Variants in SNTB1 observed in about 807,000 individuals in gnomAD.
SNTB1 encodes the protein beta-1-syntrophin.
A neutral mutation model predicts 48.9 loss-of-function variants in SNTB1; 36 were observed. The observed-to-expected ratio is 0.74, with a 90% confidence interval of 0.56 to 0.97. The LOEUF (loss-of-function observed/expected upper bound fraction) is 0.97, where lower values mean the gene tolerates loss of function less well. SNTB1 is among the 50% of genes least tolerant of loss of function. The pLI, the probability that SNTB1 is intolerant of heterozygous loss-of-function variation, is 0.00. For missense variants in SNTB1, 786 were observed against 703.4 expected (o/e 1.12, Z -1.33); for synonymous variants, 299 against 294.6 (o/e 1.01, Z -0.15).
At chr8:120,762,120 G>C (rs549559587) in intron 1 of SNTB1, among the ~76,000 whole-genome samples, 1 of 152,294 alleles carries the variant, frequency 6.6e-6, no homozygotes, top group Admixed American at 6.5e-5. Flanking sequence ...CCAGAGGACT[G>C]AATTTGATTA....
intron 1 of SNTB1, among the ~76,000 whole-genome samples, chr8:120,702,919 C>T (rs1818329424): frequency 6.6e-6 from 1 of 152,112 alleles, no homozygotes; most frequent in Non-Finnish European, 1.5e-5. Flanking sequence ...ATTCTTACCT[C>T]AGAGAATTGT....
chr8:120,584,273 C>G (rs541939160), intron 3 of SNTB1, among the ~76,000 whole-genome samples: 55 of 152,046 alleles, frequency 3.6e-4, no homozygotes, highest in Admixed American at 1.8e-3. Context: ...GAAACCCTGT[C>G]TCTACTAAAA....
chr8:120,811,708 G>A lies in SNTB1; in HGVS notation c.136C>T (p.Leu46=). The change falls in exon 1 of 7, where the codon CTG becomes TTG. Residue 46 remains leucine (L), a synonymous_variant. Transcript: ENST00000517992. ...GCGCCCTCCTCGCTGCTCAGAACCA[G>A]GGCGTCCTCGCTCAAGTTCACCAGA... ...KVLVNLSEDA[L]VLSSEEGAAA... The A allele has an allele frequency of 6.3e-7, 1 of 1,579,000 alleles. No individual in the cohort carries two copies. The highest frequency in any genetic ancestry group is 8.6e-7 in the Non-Finnish European group (1 of 1,167,364).
chr8:120,607,485 C>A (rs1816544062), intron 3 of SNTB1, among the ~76,000 whole-genome samples: 1 of 151,954 alleles, frequency 6.6e-6, no homozygotes, highest in South Asian at 2.1e-4. Flanking sequence ...ATACATGTGC[C>A]ATGTTGGTGT....
At chr8:120,568,411 A>G (rs1042212434) in intron 4 of SNTB1, among the ~76,000 whole-genome samples, 8 of 152,188 alleles carry the variant, frequency 5.3e-5, no homozygotes, top group African/African-American at 1.7e-4. Context: ...AGGTACATCC[A>G]CAGGGTCTTG....
intron 1 of SNTB1, among the ~76,000 whole-genome samples, chr8:120,733,847 T>C: frequency 6.6e-6 from 1 of 152,194 alleles, no homozygotes; most frequent in Admixed American, 6.6e-5. Flanking sequence ...GCTGCTATAA[T>C]TATTGTATTA....
chr8:120,552,079 A>G (rs543934206), intron 4 of SNTB1, among the ~76,000 whole-genome samples: 4 of 152,324 alleles, frequency 2.6e-5, no homozygotes, highest in African/African-American at 9.6e-5. Flanking sequence ...GTAGAGGCAG[A>G]AGCAAAGTGA....
At chr8:120,626,205 T>C (rs1454929164) in intron 3 of SNTB1, among the ~76,000 whole-genome samples, 1 of 152,206 alleles carries the variant, frequency 6.6e-6, no homozygotes, top group South Asian at 2.1e-4. Flanking sequence ...ATATAGACTA[T>C]AGTATGTATA....
At chr8:120,804,616 C>T (rs1820295363) in intron 1 of SNTB1, among the ~76,000 whole-genome samples, 1 of 152,166 alleles carries the variant, frequency 6.6e-6, no homozygotes, top group South Asian at 2.1e-4. Flanking sequence ...GCCTTACCAA[C>T]CTCATGTTAC....
rs909481508 is a variant in SNTB1 at position 120,538,581 on chromosome 8, C to A, written c.*296G>T. 1.4e-5 allele frequency: 7 copies of A among 485,526 alleles called. No individual in the cohort carries two copies. Among genetic ancestry groups the A allele is most frequent in the African/African-American group, 1.4e-4 (7 of 51,362 alleles). 30.1% of individuals were successfully genotyped at this position (485,526 alleles called of 1,614,324 possible). A position where few individuals can be genotyped will look rare whatever the true frequency, so the allele number is the denominator to read the frequency against. On this transcript the variant is annotated 3_prime_UTR_variant, in exon 7 of 7. Transcript: ENST00000517992. ...GCACATGCTGTTCTAATGGTCATGT[C>A]CTTGGTTGTCATTATTTCAAAGCTA...
chr8:120,607,114 C>T lies in SNTB1; in HGVS notation c.996+25330G>A, dbSNP rs181187570. Among the ~76,000 whole-genome samples the T allele has an allele frequency of 2.8e-3, 421 of 152,120 alleles. 2 individuals carry two copies. Among genetic ancestry groups the T allele is most frequent in the African/African-American group, 9.5e-3 (393 of 41,512 alleles). On this transcript the variant is annotated intron_variant, in intron 3 of 6. Coordinates refer to ENST00000517992, the MANE Select transcript of SNTB1 (RefSeq NM_021021.4). ...TAGTATACAGAAATTATAGCCTTTA[C>T]ATAAACAAAAAACATTTAGTAGAAG...
intron 3 of SNTB1, among the ~76,000 whole-genome samples, chr8:120,625,803 G>C (rs1157599150): frequency 2.0e-5 from 3 of 152,194 alleles, no homozygotes; most frequent in African/African-American, 7.2e-5. Context: ...ATTTAGGGAT[G>C]ATGCAAGCCA....
chr8:120,778,699 A>T (rs1478910276), intron 1 of SNTB1, among the ~76,000 whole-genome samples: 1 of 152,218 alleles, frequency 6.6e-6, no homozygotes, highest in Non-Finnish European at 1.5e-5. Flanking sequence ...TGCCATCAAG[A>T]GTCCCTGTCT....
chr8:120,675,143 G>A (rs1359915486), intron 2 of SNTB1, among the ~76,000 whole-genome samples: 1 of 152,114 alleles, frequency 6.6e-6, no homozygotes, highest in Non-Finnish European at 1.5e-5. Context: ...CTTCATCTGG[G>A]ACCTCTGGGT....
chr8:120,601,237 G>A (rs963333873), intron 3 of SNTB1, among the ~76,000 whole-genome samples: 2 of 151,912 alleles, frequency 1.3e-5, no homozygotes, highest in African/African-American at 4.8e-5. Flanking sequence ...TGGGGAGGGG[G>A]AGTGGTCAGC....
intron 1 of SNTB1, among the ~76,000 whole-genome samples, chr8:120,717,899 A>G (rs765611437): frequency 5.9e-5 from 9 of 152,216 alleles, no homozygotes; most frequent in Non-Finnish European, 8.8e-5. Flanking sequence ...CAGTAGTGCC[A>G]CGGACAGGCT....
chr8:120,544,850 ATACTC>A (rs1471356135), intron 5 of SNTB1, among the ~76,000 whole-genome samples: 1 of 149,048 alleles, frequency 6.7e-6, no homozygotes, highest in African/African-American at 2.5e-5. Flanking sequence ...AGCTTCCAAG[ATACTC>A]CTACAAGACT....
At chr8:120,770,991 C>T (rs965077968) in intron 1 of SNTB1, among the ~76,000 whole-genome samples, 4 of 152,128 alleles carry the variant, frequency 2.6e-5, no homozygotes, top group Non-Finnish European at 4.4e-5. Flanking sequence ...CAAGAAGAGT[C>T]GCTTTGGATC....
At chr8:120,796,185 G>A (rs544512969) in intron 1 of SNTB1, among the ~76,000 whole-genome samples, 152 of 152,006 alleles carry the variant, frequency 1.0e-3, no homozygotes, top group Non-Finnish European at 1.8e-3. Flanking sequence ...AGACATGCCC[G>A]TTTCCCCTTC....
Sources: allele counts gnomAD v4.1 joint callset (sites outside exome capture counted in the v4.1 genomes callset), GRCh38; gene constraint gnomAD v4.1.1; transcripts MANE v1.5; gene names NCBI Gene and HGNC (gene_info 2026-07-23, HGNC 2026-07-21).